SH3D19: variants seen among roughly 807,000 people sequenced by gnomAD.
SH3D19 encodes SH3 domain-containing protein 19.
A neutral mutation model predicts 112.1 loss-of-function variants in SH3D19; 58 were observed. That is an observed-to-expected ratio of 0.52 (90% CI 0.42 to 0.64). SH3D19 has a LOEUF of 0.64. Among genes scored for constraint, SH3D19 ranks in the 30% least tolerant of loss-of-function variants. The pLI is 0.00. For synonymous variants in SH3D19, 391 were observed against 448.5 expected, an observed-to-expected ratio of 0.87 and a Z score of 1.62; for missense variants, 1,090 against 1,263.4, an observed-to-expected ratio of 0.86 and a Z score of 2.08.
chr4:151,286,851 G>A (rs992607286), intron 1 of SH3D19, among the ~76,000 whole-genome samples: 2 of 151,710 alleles, frequency 1.3e-5, no homozygotes, highest in African/African-American at 2.4e-5. Flanking sequence ...ATGGTGGCAT[G>A]TGCCTGTATT....
intron 19 of SH3D19, among the ~76,000 whole-genome samples, chr4:151,122,511 T>TCACA (rs3064664): frequency 0.085 from 12,545 of 147,862 alleles, 718 homozygotes; most frequent in East Asian, 0.24. Context: ...ATACCAGTTA[T>TCACA]CACACACACA....
intron 2 of SH3D19, among the ~76,000 whole-genome samples, chr4:151,195,298 G>T (rs1763258087): frequency 7.3e-6 from 1 of 136,164 alleles, no homozygotes; most frequent in Non-Finnish European, 1.5e-5. Flanking sequence ...TGTGAACCCA[G>T]CAGGCGGAGC....
chr4:151,276,515 G>GT (rs1773641029), intron 1 of SH3D19, among the ~76,000 whole-genome samples: 1 of 152,128 alleles, frequency 6.6e-6, no homozygotes, highest in African/African-American at 2.4e-5. Context: ...TCTTAGCTCA[G>GT]TACAGAAAGT....
chr4:151,282,246 A>C, intron 1 of SH3D19: 1 of 1,613,974 alleles, frequency 6.2e-7, no homozygotes, highest in Non-Finnish European at 8.5e-7. Flanking sequence ...ATCGTCATCC[A>C]TCCCAAGTAC....
intron 1 of SH3D19, among the ~76,000 whole-genome samples, chr4:151,229,191 A>G (rs1038142398): frequency 6.6e-6 from 1 of 152,068 alleles, no homozygotes; most frequent in Non-Finnish European, 1.5e-5. Context: ...TTTAGTTTCT[A>G]ATTTTCAAAT....
chr4:151,324,684 T>C (rs1730872580), intron 1 of SH3D19, among the ~76,000 whole-genome samples: 2 of 151,040 alleles, frequency 1.3e-5, no homozygotes, highest in African/African-American at 4.9e-5. Flanking sequence ...CCTTTTGGAA[T>C]GCTATATTCT....
rs572375954 is a variant in SH3D19 at position 151,126,049 on chromosome 4, C to T, written c.3027+1569G>A. ...TCAGTCAAGGCATCCCCCCTTACCC[C>T]GACAAAGGCTGCACATACCTGATTC... On this transcript the variant is annotated intron_variant, in intron 19 of 19. Coordinates refer to ENST00000604030, the MANE Select transcript of SH3D19 (RefSeq NM_001378122.1). Among the ~76,000 whole-genome samples, 165 of 152,074 alleles carry T rather than the reference C, an allele frequency of 1.1e-3. 2 individuals are homozygous for T. Among genetic ancestry groups the T allele is most frequent in the Non-Finnish European group, 2.0e-3 (136 of 68,016 alleles).
intron 1 of SH3D19, among the ~76,000 whole-genome samples, chr4:151,310,248 C>A (rs1729318776): frequency 6.6e-6 from 1 of 151,354 alleles, no homozygotes; most frequent in South Asian, 2.1e-4. Context: ...GTGGTGCACA[C>A]CTGTAGTCCC....
intron 1 of SH3D19, among the ~76,000 whole-genome samples, chr4:151,295,949 T>A (rs1775675515): frequency 6.6e-6 from 1 of 150,672 alleles, no homozygotes; most frequent in Non-Finnish European, 1.5e-5. Flanking sequence ...GGCAGGGGAA[T>A]CACTTGAACC....
chr4:151,270,411 C>T (rs1446309517), intron 1 of SH3D19, among the ~76,000 whole-genome samples: 5 of 152,212 alleles, frequency 3.3e-5, no homozygotes, highest in African/African-American at 7.2e-5. Flanking sequence ...TCACCCTTTG[C>T]CTTCTTCCAT....
Position 151,148,105 on chromosome 4 carries a change from A to T in SH3D19, c.1899T>A (p.Ser633=). The stretch of plus-strand genomic sequence containing the variant: ...GTTTCTTATTAGATCTTCTGGTTGC[A>T]GAAAGCTTTGGGGGAGGTGGTCTCT... The part of the protein sequence containing the change: ...PPERPPPPKL[S]ATRRSNKKLP... Residue 633 remains serine, a synonymous_variant, in exon 11 of 20, where the codon TCT becomes TCA. Transcript: ENST00000604030. 1 of 1,614,146 alleles carries T rather than the reference A, an allele frequency of 6.2e-7. No individual in the cohort carries two copies. Among genetic ancestry groups the T allele is most frequent in the South Asian group, 1.1e-5 (1 of 91,082 alleles).
At chr4:151,276,148 G>A (rs1376489232) in intron 1 of SH3D19, among the ~76,000 whole-genome samples, 1 of 152,012 alleles carries the variant, frequency 6.6e-6, no homozygotes, top group African/African-American at 2.4e-5. Context: ...TGGCCTATTA[G>A]TTTTAAACTG....
rs765772176 is a variant in SH3D19, at chr4:151,147,901, A to G, written c.2082+21T>C. 6 of 1,576,318 alleles carry G rather than the reference A, an allele frequency of 3.8e-6. No homozygotes were observed. In the South Asian group the frequency reaches 5.9e-5, roughly 16 times the overall value. On this transcript the variant is annotated intron_variant, in intron 11 of 19. Coordinates refer to ENST00000604030, the MANE Select transcript of SH3D19 (RefSeq NM_001378122.1). The stretch of plus-strand genomic sequence containing the variant: ...TAGGGCACACCTCTTGACCACAAAC[A>G]TTTTTAAAAGCTAAATTTACCATGT...
chr4:151,156,400 A>T (rs144950847), intron 9 of SH3D19, among the ~76,000 whole-genome samples: 176 of 152,358 alleles, frequency 1.2e-3, no homozygotes, highest in African/African-American at 4.0e-3. Flanking sequence ...AGGTGGAGGC[A>T]TCACCTACCA....
At chr4:151,283,135 C>G in intron 1 of SH3D19, 1 of 1,613,714 alleles carries the variant, frequency 6.2e-7, no homozygotes, top group Non-Finnish European at 8.5e-7. Context: ...TACCATTCTG[C>G]CCTTCAGGAA....
chr4:151,132,809 A>T (rs1404012653), intron 16 of SH3D19, among the ~76,000 whole-genome samples: 4 of 152,096 alleles, frequency 2.6e-5, no homozygotes, highest in Non-Finnish European at 5.9e-5. Context: ...CCTCTTTGCC[A>T]TTTCTTATAT....
intron 11 of SH3D19, among the ~76,000 whole-genome samples, chr4:151,146,614 C>A (rs1296068030): frequency 1.3e-5 from 2 of 152,238 alleles, no homozygotes; most frequent in African/African-American, 4.8e-5. Flanking sequence ...CTCACTGCAA[C>A]CTCTGCCTCC....
chr4:151,286,335 GA>G (rs200039550), intron 1 of SH3D19, among the ~76,000 whole-genome samples: 1,623 of 145,320 alleles, frequency 0.011, 31 homozygotes, highest in African/African-American at 0.038. Context: ...CAATAAAATT[GA>G]AAAAAAACTT....
At chr4:151,266,428 T>C (rs1772797836) in intron 1 of SH3D19, among the ~76,000 whole-genome samples, 1 of 152,216 alleles carries the variant, frequency 6.6e-6, no homozygotes, top group African/African-American at 2.4e-5. Flanking sequence ...GAAATGCTCA[T>C]GGAGATTAGC....
Sources: allele counts gnomAD v4.1 joint callset (sites outside exome capture counted in the v4.1 genomes callset), GRCh38; gene constraint gnomAD v4.1.1; transcripts MANE v1.5; gene names NCBI Gene and HGNC (gene_info 2026-07-23, HGNC 2026-07-21).